The following AMMECR1L variants were observed in gnomAD, a reference collection of about 807,000 sequenced individuals.
AMMECR1L encodes the protein AMMECR1-like protein.
Under a neutral mutation model 36.8 loss-of-function variants are expected in AMMECR1L, and 4 were observed. The observed-to-expected ratio is 0.11, with a 90% CI of 0.05 to 0.25. The LOEUF is 0.25. AMMECR1L is among the 10% of genes least tolerant of loss of function. The probability of loss-of-function intolerance (pLI) is 1.00; values close to 1 mark genes in which losing one functional copy is unlikely to be tolerated. For synonymous variants in AMMECR1L, 147 were observed against 148.0 expected, an observed-to-expected ratio of 0.99 and a Z score of 0.05; for missense variants, 232 against 392.1, an observed-to-expected ratio of 0.59 and a Z score of 3.45.
chr2:127,868,609 G>C (rs182237774), intron 6 of AMMECR1L, among the ~76,000 whole-genome samples: 6 of 152,112 alleles, frequency 3.9e-5, no homozygotes, highest in Non-Finnish European at 8.8e-5. Flanking sequence ...ACTGCACTAC[G>C]TATCACAGAA....
At position 127,885,612 on chromosome 2, in the gene AMMECR1L, A is replaced by G. The variant is rs938235683; in HGVS notation, c.-149+198T>C. 1,964 of 978,192 alleles carry G rather than the reference A, an allele frequency of 2.0e-3. 3 individuals are homozygous for G. The highest frequency in any genetic ancestry group is 2.2e-3 in the Non-Finnish European group (1,843 of 824,524). The allele number at this position is 978,192 out of a possible 1,614,324, so 60.6% of individuals were successfully genotyped here. A position where few individuals can be genotyped will look rare whatever the true frequency, so the allele number is the denominator to read the frequency against. ...CCGACCCCCTGCCCTCCGCTGGGAC[A>G]TGGCCTGAGGCCCCGCCCGCCGCCC... On this transcript the variant is annotated intron_variant, in intron 1 of 7. Transcript: ENST00000272647.
rs751860805 is a variant in AMMECR1L at position 127,869,527 on chromosome 2, A to T, written c.651T>A (p.Ile217=). The T allele has an allele frequency of 2.5e-6, 4 of 1,614,026 alleles. No individual in the cohort carries two copies. Among genetic ancestry groups the T allele is most frequent in the Non-Finnish European group, 3.4e-6 (4 of 1,179,850 alleles). Residue 217 remains isoleucine (I), a synonymous_variant, in exon 6 of 8, where the codon ATT becomes ATA. Coordinates refer to ENST00000272647, the MANE Select transcript of AMMECR1L (RefSeq NM_001199140.2). The surrounding 1 kb of genome is among the most constrained non-coding windows in gnomAD (Gnocchi z 4.7). Reference sequence around the variant, plus strand: ...CTTTTTCATTAATGAATTCAATTCGAATCCCATGGACCCCTACCTATAGAA... The same window carrying T: ...CTTTTTCATTAATGAATTCAATTCGTATCCCATGGACCCCTACCTATAGAA... ...YLDWEVGVHG[I]RIEFINEKGV...
At position 127,873,208 on chromosome 2, in the gene AMMECR1L, G is replaced by A. The variant is rs1382010807; in HGVS notation, c.407+620C>T. 4 of 985,336 alleles carry A rather than the reference G, an allele frequency of 4.1e-6. No individual in the cohort carries two copies. Among genetic ancestry groups the A allele is most frequent in the Non-Finnish European group, 4.8e-6 (4 of 829,948 alleles). 61.0% of individuals were successfully genotyped at this position (985,336 alleles called of 1,614,324 possible). On this transcript the variant is annotated intron_variant, in intron 3 of 7. Transcript: ENST00000272647. The surrounding 1 kb of genome is among the most constrained non-coding windows in gnomAD (Gnocchi z 5.2). ...AATTCTGAGGAAGAAGAAAATGCTAGCATGGAATTCTTCAGTTTACTTTAT... is the reference window on the plus strand; with the variant it reads ...AATTCTGAGGAAGAAGAAAATGCTAACATGGAATTCTTCAGTTTACTTTAT...
chr2:127,867,017 A>G (rs1218786881), intron 6 of AMMECR1L, 21 bp from the exon 7 acceptor site: 1 of 1,613,548 alleles, frequency 6.2e-7, no homozygotes, highest in Non-Finnish European at 8.5e-7. Context: ...GAAAGGCCAC[A>G]CTGAGGTCAA....
At chr2:127,867,605 A>G (rs973808152) in intron 6 of AMMECR1L, among the ~76,000 whole-genome samples, 1 of 152,084 alleles carries the variant, frequency 6.6e-6, no homozygotes, top group African/African-American at 2.4e-5. Flanking sequence ...AAATTAAGTG[A>G]GCGTGTGGGA....
chr2:127,872,045 T>C (rs1690996935), intron 3 of AMMECR1L, among the ~76,000 whole-genome samples: 1 of 151,798 alleles, frequency 6.6e-6, no homozygotes, highest in Non-Finnish European at 1.5e-5. Context: ...AAAAATTGGC[T>C]GGGCGTGGTG....
At chr2:127,881,761 G>A (rs1691511026) in intron 2 of AMMECR1L, among the ~76,000 whole-genome samples, 1 of 152,204 alleles carries the variant, frequency 6.6e-6, no homozygotes, top group Non-Finnish European at 1.5e-5. Flanking sequence ...ACAATTTCTA[G>A]AGGAATAATG....
Position 127,874,293 on chromosome 2 carries a change from A to G in AMMECR1L, c.-38-21T>C. On this transcript the variant is annotated intron_variant, in intron 2 of 7. Coordinates refer to ENST00000272647, the MANE Select transcript of AMMECR1L (RefSeq NM_001199140.2). The surrounding 1 kb of genome is among the most constrained non-coding windows in gnomAD (Gnocchi z 5.2). ...GAACCCTAACCAAAATGAGAAGTTA[A>G]GCATTAATTTGACTGGTTAGTTAAA... The G allele has an allele frequency of 1.9e-6, 3 of 1,583,016 alleles. No homozygotes were observed. The highest frequency in any genetic ancestry group is 1.7e-6 in the Non-Finnish European group (2 of 1,170,290).
chr2:127,871,908 G>A lies in AMMECR1L; in HGVS notation c.408-549C>T, dbSNP rs1040380226. Among the ~76,000 whole-genome samples, 3 of 152,030 alleles carry A rather than the reference G, an allele frequency of 2.0e-5. No individual in the cohort carries two copies. Among genetic ancestry groups the A allele is most frequent in the Non-Finnish European group, 4.4e-5 (3 of 68,020 alleles). ...AATTTTTAAAAAAAGATTTAAAAAG[G>A]CCGGGTGCAGTGGCTCATGCCTGTA... On this transcript the variant is annotated intron_variant, in intron 3 of 7. Coordinates refer to ENST00000272647, the MANE Select transcript of AMMECR1L (RefSeq NM_001199140.2). The surrounding 1 kb of genome is among the most constrained non-coding windows in gnomAD (Gnocchi z 4.3).
chr2:127,867,299 C>G, intron 6 of AMMECR1L: 2 of 985,448 alleles, frequency 2.0e-6, no homozygotes, highest in Non-Finnish European at 2.4e-6. Flanking sequence ...AACATGGTTC[C>G]AACTTAGACC....
Position 127,865,629 on chromosome 2 carries a change from C to T in AMMECR1L, c.822-424G>A, listed in dbSNP as rs17340503. On this transcript the variant is annotated intron_variant, in intron 7 of 7. Transcript: ENST00000272647. This position sits in a 1 kb window ranked among gnomAD's most constrained non-coding sequence, Gnocchi z 5.4. Reference sequence around the variant, plus strand: ...GATACATTTGACAGAAATGCAACCTCAATTCGCGTAAGAGCAACAAACAAG... The same window carrying T: ...GATACATTTGACAGAAATGCAACCTTAATTCGCGTAAGAGCAACAAACAAG... Among the ~76,000 whole-genome samples, 4,600 of 152,316 alleles carry T rather than the reference C, an allele frequency of 0.03. 88 individuals are homozygous for T. The highest frequency in any genetic ancestry group is 0.046 in the Non-Finnish European group (3,141 of 68,030).
rs1690555517 is a variant in AMMECR1L at position 127,863,558 on chromosome 2, A to G, written c.*1536T>C. On this transcript the variant is annotated 3_prime_UTR_variant, in exon 8 of 8. Transcript: ENST00000272647. Reference sequence around the variant, plus strand: ...CAAAAGATCTTCTGAATATTTGCCCATTTCGGAAAGCCACACCATCACCAC... The same window carrying G: ...CAAAAGATCTTCTGAATATTTGCCCGTTTCGGAAAGCCACACCATCACCAC... The G allele has an allele frequency of 6.6e-6, 1 of 152,636 alleles. No individual in the cohort carries two copies. The highest frequency in any genetic ancestry group is 1.5e-5 in the Non-Finnish European group (1 of 68,056). 9.5% of individuals were successfully genotyped at this position (152,636 alleles called of 1,614,324 possible). A position where few individuals can be genotyped will look rare whatever the true frequency, so the allele number is the denominator to read the frequency against.
At chr2:127,872,518 TTAATC>T (rs1691028947) in intron 3 of AMMECR1L, among the ~76,000 whole-genome samples, 1 of 152,148 alleles carries the variant, frequency 6.6e-6, no homozygotes, top group Non-Finnish European at 1.5e-5. Flanking sequence ...TTAGATTGAG[TTAATC>T]ATTTCTAGAG....
intron 5 of AMMECR1L, 110 bp downstream of exon 5, chr2:127,870,704 G>A (rs760382816): frequency 7.5e-6 from 6 of 795,390 alleles, no homozygotes; most frequent in Non-Finnish European, 1.2e-5. Flanking sequence ...TCCAAACTCA[G>A]CCTTCACATT....
intron 2 of AMMECR1L, among the ~76,000 whole-genome samples, chr2:127,883,232 G>A (rs986936826): frequency 4.4e-4 from 67 of 151,996 alleles, no homozygotes; most frequent in Middle Eastern, 3.4e-3. Context: ...AAGTAGCTGA[G>A]GACTACAGGC....
Position 127,874,119 on chromosome 2 carries a change from G to A in AMMECR1L, c.116C>T (p.Thr39Ile). Reference protein sequence around the residue: ...SGTHSHGNQSTTVPGSSSGPL... With the variant: ...SGTHSHGNQSITVPGSSSGPL... ...TCCTGAACTAGAGCCGGGGACAGTT[G>A]TGGACTGATTCCCGTGACTGTGCGT... The change falls in exon 3 of 8, where the codon ACA (threonine) becomes ATA (isoleucine). Residue 39 changes from threonine (T) to isoleucine (I), a missense_variant. Physicochemically the swap from Thr to Ile is moderately conservative, Grantham distance 89 (BLOSUM62 -1). Transcript: ENST00000272647. This position sits in a 1 kb window ranked among gnomAD's most constrained non-coding sequence, Gnocchi z 5.2. 1 of 1,614,188 alleles carries A rather than the reference G, an allele frequency of 6.2e-7. No homozygotes were observed. Among genetic ancestry groups the A allele is most frequent in the African/African-American group, 1.3e-5 (1 of 75,046 alleles).
At position 127,869,591 on chromosome 2, in the gene AMMECR1L, T is replaced by A; in HGVS notation, c.634-47A>T. The A allele has an allele frequency of 6.8e-7, 1 of 1,467,442 alleles. No homozygotes were observed. Among genetic ancestry groups the A allele is most frequent in the Non-Finnish European group, 9.6e-7 (1 of 1,046,910 alleles). The allele number at this position is 1,467,442 out of a possible 1,614,324, so 90.9% of individuals were successfully genotyped here. ...AGTAAATGGCATTTACTTACTCTAA[T>A]GGAACTTCAGTCCCCACATATAAAT... On this transcript the variant is annotated intron_variant, in intron 5 of 7. Coordinates refer to ENST00000272647, the MANE Select transcript of AMMECR1L (RefSeq NM_001199140.2). This position sits in a 1 kb window ranked among gnomAD's most constrained non-coding sequence, Gnocchi z 4.7.
Position 127,871,260 on chromosome 2 carries a change from G to A in AMMECR1L, c.507C>T (p.Tyr169=), listed in dbSNP as rs1338544401. 1 of 1,614,082 alleles carries A rather than the reference G, an allele frequency of 6.2e-7. No individual in the cohort carries two copies. Among genetic ancestry groups the A allele is most frequent in the East Asian group, 2.2e-5 (1 of 44,878 alleles). ...AMNLHSGLRE[Y]TLTSALKDSR... ...TCTGGTGTCATTACCTGGTTAACGT[G>A]TATTCCCTGAGTCCTGAATGAAGAT... The change falls in exon 4 of 8, where the codon TAC becomes TAT. Residue 169 remains tyrosine (Y), a synonymous_variant. Coordinates refer to ENST00000272647, the MANE Select transcript of AMMECR1L (RefSeq NM_001199140.2). This position sits in a 1 kb window ranked among gnomAD's most constrained non-coding sequence, Gnocchi z 4.3.
intron 6 of AMMECR1L, among the ~76,000 whole-genome samples, chr2:127,867,504 T>C (rs760158613): frequency 4.6e-5 from 7 of 152,154 alleles, no homozygotes; most frequent in Non-Finnish European, 7.3e-5. Flanking sequence ...CCCAGCACTT[T>C]GGGAGGCTGA....
Sources: allele counts gnomAD v4.1 joint callset (sites outside exome capture counted in the v4.1 genomes callset), GRCh38; gene constraint gnomAD v4.1.1; non-coding constraint Gnocchi (gnomAD v3.1); transcripts MANE v1.5; gene names NCBI Gene and HGNC (gene_info 2026-07-23, HGNC 2026-07-21).